HDX: variants seen among roughly 807,000 people sequenced by gnomAD.
HDX encodes the protein chromosome X open reading frame 43.
In HDX, 19 loss-of-function variants were observed where a neutral mutation model predicts 45.2. The observed-to-expected ratio is 0.42, with a 90% CI of 0.29 to 0.62. The LOEUF (loss-of-function observed/expected upper bound fraction) is 0.62. Ranked by LOEUF, HDX falls within the 20% of genes least tolerant of loss-of-function variation. The pLI, the probability that HDX is intolerant of heterozygous loss-of-function variation, is 0.20. For missense variants in HDX, 532 were observed against 493.9 expected, an observed-to-expected ratio of 1.08 and a Z score of -0.73; for synonymous variants, 188 against 172.8, an observed-to-expected ratio of 1.09 and a Z score of -0.69.
Position 84,475,359 on chromosome X carries a change from C to A in HDX, c.39G>T (p.Arg13Ser), listed in dbSNP as rs1470982095. The change falls in exon 3 of 11, where the codon AGG (arginine) becomes AGT (serine). Residue 13 changes from arginine (R) to serine (S), a missense_variant. Transcript: ENST00000373177. ...CATTTTCATAATAACGCTGTAAAAT[C>A]CTTTGTTGTTCTACAGTAAATACAG... ...LRSVFTVEQQ[R>S]ILQRYYENGM... The A allele has an allele frequency of 8.7e-7, 1 of 1,153,959 alleles. No homozygotes were observed. The highest frequency in any genetic ancestry group is 1.2e-6 in the Non-Finnish European group (1 of 850,530).
intron 5 of HDX, among the ~76,000 whole-genome samples, chrX:84,395,416 A>G (rs1208002053): frequency 2.8e-5 from 3 of 108,361 alleles, no homozygotes; most frequent in Admixed American, 9.9e-5. Flanking sequence ...CACGGCCTGT[A>G]TGGTTTCTGC....
At chrX:84,395,164 G>C (rs929957097) in intron 5 of HDX, among the ~76,000 whole-genome samples, 1 of 110,372 alleles carries the variant, frequency 9.1e-6, no homozygotes, top group Non-Finnish European at 1.9e-5. Flanking sequence ...TGCTCTCCTA[G>C]TGGTTTTATA....
At chrX:84,423,074 C>T (rs1005272224) in intron 5 of HDX, among the ~76,000 whole-genome samples, 1 of 110,631 alleles carries the variant, frequency 9.0e-6, no homozygotes, top group South Asian at 3.8e-4. Context: ...ACAACTGATA[C>T]TGCAGAAAGT....
chrX:84,354,930 C>CATATATAT (rs72331919), intron 6 of HDX, among the ~76,000 whole-genome samples: 20 of 74,824 alleles, frequency 2.7e-4, no homozygotes, highest in Non-Finnish European at 4.7e-4. Context: ...CACACACACA[C>CATATATAT]ATATATATAT....
At chrX:84,476,054 C>T (rs2040543256) in intron 2 of HDX, among the ~76,000 whole-genome samples, 1 of 110,904 alleles carries the variant, frequency 9.0e-6, no homozygotes, top group African/African-American at 3.3e-5. Flanking sequence ...CAAAATAAAC[C>T]ATGTTAAAAC....
intron 4 of HDX, among the ~76,000 whole-genome samples, chrX:84,453,073 A>G (rs960529168): frequency 8.9e-6 from 1 of 112,315 alleles, no homozygotes; most frequent in African/African-American, 3.2e-5. Context: ...CTGACAAGGG[A>G]CTATTCATTC....
chrX:84,372,079 G>A (rs1298488097), intron 5 of HDX, among the ~76,000 whole-genome samples: 5 of 111,690 alleles, frequency 4.5e-5, no homozygotes, highest in East Asian at 5.6e-4. Context: ...AGATGTCTTC[G>A]AATGGCCAGA....
chrX:84,408,902 T>C (rs1229946246), intron 5 of HDX, among the ~76,000 whole-genome samples: 1 of 110,723 alleles, frequency 9.0e-6, no homozygotes, highest in Non-Finnish European at 1.9e-5. Context: ...CTGATTTTTG[T>C]ACATCAATTT....
At chrX:84,390,925 C>A (rs749393293) in intron 5 of HDX, among the ~76,000 whole-genome samples, 11 of 111,598 alleles carry the variant, frequency 9.9e-5, no homozygotes, top group Middle Eastern at 4.6e-3. Flanking sequence ...TTTGGGATAT[C>A]CAGCATCTGG....
intron 1 of HDX, among the ~76,000 whole-genome samples, chrX:84,495,554 T>G (rs2040983462): frequency 9.0e-6 from 1 of 111,291 alleles, no homozygotes; most frequent in Admixed American, 9.6e-5. Flanking sequence ...AGACTTCTTG[T>G]CAAAAAAATA....
At chrX:84,440,177 A>C (rs776259165) in intron 5 of HDX, 1 of 122,185 alleles carries the variant, frequency 8.2e-6, no homozygotes, top group East Asian at 2.4e-4. Context: ...GAAAATAGTA[A>C]ATGAAATTAT....
At position 84,469,205 on chromosome X, in the gene HDX, G is replaced by GT; in HGVS notation, c.517dup (p.Thr173AsnfsTer34). 8.3e-7 allele frequency: 1 copy of GT among 1,210,800 alleles called. No homozygotes were observed. The highest frequency in any genetic ancestry group is 1.1e-6 in the Non-Finnish European group (1 of 894,844). On this transcript the variant is annotated frameshift_variant, in exon 4 of 11. Coordinates refer to ENST00000373177, the MANE Select transcript of HDX (RefSeq NM_001177479.2). LOFTEE classifies it high-confidence loss of function. Reference sequence around the variant, plus strand: ...ACTTGTCTGTCTTGACAAAATAATTGTTTTTTCACCTAGGAGTAGGGAAGC... The same window carrying GT: ...ACTTGTCTGTCTTGACAAAATAATTGTTTTTTTCACCTAGGAGTAGGGAAGC...
At chrX:84,365,808 A>G (rs1210841988) in intron 5 of HDX, among the ~76,000 whole-genome samples, 2 of 111,537 alleles carry the variant, frequency 1.8e-5, no homozygotes, top group Admixed American at 9.6e-5. Flanking sequence ...TTAAATTAAT[A>G]AACTAGGTAT....
At chrX:84,348,179 C>G (rs2037249508) in intron 6 of HDX, among the ~76,000 whole-genome samples, 1 of 111,286 alleles carries the variant, frequency 9.0e-6, no homozygotes, top group Non-Finnish European at 1.9e-5. Context: ...GTTTTATGCT[C>G]TCCAGTTTTG....
chrX:84,435,607 T>G, intron 5 of HDX, among the ~76,000 whole-genome samples: 1 of 106,008 alleles, frequency 9.4e-6, no homozygotes, highest in Middle Eastern at 4.7e-3. Flanking sequence ...TGCCATTGCT[T>G]TTGGTGTTTT....
chrX:84,402,423 C>A (rs1260947346), intron 5 of HDX, among the ~76,000 whole-genome samples: 1 of 111,237 alleles, frequency 9.0e-6, no homozygotes, highest in Non-Finnish European at 1.9e-5. Flanking sequence ...TACGTTTTAC[C>A]TACTGAACCA....
intron 8 of HDX, among the ~76,000 whole-genome samples, chrX:84,335,350 C>T (rs1236587534): frequency 9.0e-6 from 1 of 110,830 alleles, no homozygotes; most frequent in Non-Finnish European, 1.9e-5. Flanking sequence ...GATTTGTTAT[C>T]CATGAATAAT....
intron 7 of HDX, among the ~76,000 whole-genome samples, chrX:84,339,556 G>T (rs1335570409): frequency 4.5e-5 from 5 of 111,713 alleles, no homozygotes; most frequent in Non-Finnish European, 9.4e-5. Context: ...TGATACAGTT[G>T]AATAAGGAAT....
At chrX:84,409,217 T>G (rs199688599) in intron 5 of HDX, among the ~76,000 whole-genome samples, 11,550 of 110,286 alleles carry the variant, frequency 0.1, 607 homozygotes, top group South Asian at 0.27. Flanking sequence ...AAAAAGTCAG[T>G]AAACAACAGG....
Sources: gnomAD v4.1 joint callset for allele counts (sites outside exome capture counted in the v4.1 genomes callset) on GRCh38, gnomAD v4.1.1 for gene constraint, MANE v1.5 for transcripts, NCBI Gene and HGNC (gene_info 2026-07-23, HGNC 2026-07-21) for gene names.